Variants in PLPP4 observed in about 807,000 individuals in gnomAD.
PLPP4 encodes phospholipid phosphatase 4, also known as diacylglycerol pyrophosphate like 2.
A neutral mutation model predicts 32.2 loss-of-function variants in PLPP4; 20 were observed. The ratio of observed to expected loss-of-function variants is 0.62; its 90% CI spans 0.44 to 0.90. PLPP4 has a LOEUF of 0.90. Ranked by LOEUF, PLPP4 falls within the 40% of genes least tolerant of loss-of-function variation. The pLI, the probability that PLPP4 is intolerant of heterozygous loss-of-function variation, is 0.00. For missense variants in PLPP4, 257 were observed against 353.1 expected (o/e 0.73, Z 2.18); for synonymous variants, 127 against 133.0 (o/e 0.95, Z 0.31).
rs375659547 is a variant in PLPP4 at position 120,545,646 on chromosome 10, G to A, written c.445+24551G>A. ...GAAGTGGGGTCCTGAATGTTGTCTCGTCTCACTCTGCCCTGGAAGTGGCAA... is the reference window on the plus strand; with the variant it reads ...GAAGTGGGGTCCTGAATGTTGTCTCATCTCACTCTGCCCTGGAAGTGGCAA... On this transcript the variant is annotated intron_variant, in intron 5 of 6. Coordinates refer to ENST00000398250, the MANE Select transcript of PLPP4 (RefSeq NM_001030059.3). 4.7e-4 allele frequency among the ~76,000 whole-genome samples: 71 copies of A among 152,242 alleles called. 1 individual carries two copies. Among genetic ancestry groups the A allele is most frequent in the South Asian group, 4.1e-3 (20 of 4,820 alleles).
Position 120,554,273 on chromosome 10 carries a change from T to C in PLPP4, c.446-20858T>C, listed in dbSNP as rs565222130. ...GAGCAGGGGCACAAGTCTGCCAGTCTCTTTGCTAAAGCTTAGCAAGAGGAC... is the reference window on the plus strand; with the variant it reads ...GAGCAGGGGCACAAGTCTGCCAGTCCCTTTGCTAAAGCTTAGCAAGAGGAC... On this transcript the variant is annotated intron_variant, in intron 5 of 6. Coordinates refer to ENST00000398250, the MANE Select transcript of PLPP4 (RefSeq NM_001030059.3). 3.3e-5 allele frequency among the ~76,000 whole-genome samples: 5 copies of C among 152,336 alleles called. No homozygotes were observed. In the East Asian group the frequency reaches 7.7e-4, roughly 24 times the overall value.
chr10:120,536,945 A>C (rs1395209649), intron 5 of PLPP4, among the ~76,000 whole-genome samples: 1 of 152,186 alleles, frequency 6.6e-6, no homozygotes, highest in Non-Finnish European at 1.5e-5. Context: ...AGATATATTA[A>C]CAGCACTAAT....
At chr10:120,572,481 A>ATTTG (rs765901379) in intron 5 of PLPP4, among the ~76,000 whole-genome samples, 2 of 152,142 alleles carry the variant, frequency 1.3e-5, no homozygotes, top group Admixed American at 6.5e-5. Context: ...ATGTTCATTG[A>ATTTG]TTTGTTTGTT....
At chr10:120,548,615 A>G (rs1052514062) in intron 5 of PLPP4, among the ~76,000 whole-genome samples, 1 of 152,198 alleles carries the variant, frequency 6.6e-6, no homozygotes, top group African/African-American at 2.4e-5. Context: ...TGCTGGGTCA[A>G]ATAGTAATTC....
At chr10:120,540,136 C>A (rs1041959080) in intron 5 of PLPP4, among the ~76,000 whole-genome samples, 19 of 151,774 alleles carry the variant, frequency 1.3e-4, no homozygotes. Context: ...AAACTATTTT[C>A]TTCCAAAAAA....
intron 5 of PLPP4, among the ~76,000 whole-genome samples, chr10:120,567,819 C>T (rs944590579): frequency 2.0e-5 from 3 of 152,272 alleles, no homozygotes; most frequent in Admixed American, 1.3e-4. Flanking sequence ...CTCATATAAA[C>T]ATAAAATATA....
At chr10:120,466,288 G>A (rs929512010) in intron 1 of PLPP4, among the ~76,000 whole-genome samples, 2 of 151,794 alleles carry the variant, frequency 1.3e-5, no homozygotes, top group South Asian at 4.2e-4. Context: ...GCACCCCTAC[G>A]TATATATGTA....
chr10:120,489,551 G>A (rs1844614974), intron 1 of PLPP4, among the ~76,000 whole-genome samples: 2 of 152,228 alleles, frequency 1.3e-5, no homozygotes, highest in South Asian at 2.1e-4. Context: ...TGGCGGTCTG[G>A]ATGGGGAAGA....
At chr10:120,526,744 G>T (rs1466892396) in intron 5 of PLPP4, among the ~76,000 whole-genome samples, 1 of 152,180 alleles carries the variant, frequency 6.6e-6, no homozygotes, top group East Asian at 1.9e-4. Context: ...AGGAGGGGTG[G>T]AAACCTGGAG....
Position 120,590,596 on chromosome 10 carries a change from A to G in PLPP4, c.*1094A>G, listed in dbSNP as rs1194650048. Among the ~76,000 whole-genome samples the G allele has an allele frequency of 6.6e-6, 1 of 152,170 alleles. No homozygotes were observed. The highest frequency in any genetic ancestry group is 2.4e-5 in the African/African-American group (1 of 41,442). On this transcript the variant is annotated 3_prime_UTR_variant, in exon 7 of 7. Transcript: ENST00000398250. Reference sequence around the variant, plus strand: ...TTGCATTGTTGAATACAGCCAGTCAATATGAACCTTTTTCAGTCTGAGTAT... The same window carrying G: ...TTGCATTGTTGAATACAGCCAGTCAGTATGAACCTTTTTCAGTCTGAGTAT...
chr10:120,565,745 C>T (rs973937342), intron 5 of PLPP4, among the ~76,000 whole-genome samples: 29 of 152,214 alleles, frequency 1.9e-4, no homozygotes, highest in Non-Finnish European at 3.5e-4. Flanking sequence ...CCATTATCTA[C>T]TTGAATATTT....
intron 1 of PLPP4, among the ~76,000 whole-genome samples, chr10:120,459,131 A>G (rs1245434323): frequency 6.6e-6 from 1 of 152,206 alleles, no homozygotes. Context: ...CTTGGTAATT[A>G]TTGCTTATGC....
intron 1 of PLPP4, among the ~76,000 whole-genome samples, chr10:120,493,580 A>G (rs1034924296): frequency 6.6e-6 from 1 of 152,158 alleles, no homozygotes; most frequent in Non-Finnish European, 1.5e-5. Context: ...GCTGCCTTCC[A>G]TGCCCTGGGA....
intron 1 of PLPP4, among the ~76,000 whole-genome samples, chr10:120,499,266 T>C (rs1462443288): frequency 6.6e-6 from 1 of 152,220 alleles, no homozygotes. Flanking sequence ...TTCAGGTTGC[T>C]GTGCCTTTTC....
At chr10:120,494,972 T>G (rs932598527) in intron 1 of PLPP4, among the ~76,000 whole-genome samples, 3 of 152,168 alleles carry the variant, frequency 2.0e-5, no homozygotes, top group Non-Finnish European at 2.9e-5. Flanking sequence ...CAGATGCCAT[T>G]GAGCTGGTGG....
At chr10:120,535,162 A>G (rs941904430) in intron 5 of PLPP4, among the ~76,000 whole-genome samples, 1 of 152,192 alleles carries the variant, frequency 6.6e-6, no homozygotes, top group African/African-American at 2.4e-5. Context: ...TCCCCACAAT[A>G]TGAGACCTGT....
chr10:120,457,370 T>C lies in PLPP4; in HGVS notation c.56+9T>C. The C allele has an allele frequency of 1.3e-6, 2 of 1,529,614 alleles. No individual in the cohort carries two copies. The highest frequency in any genetic ancestry group is 2.6e-5 in the East Asian group (1 of 38,460). The allele number at this position is 1,529,614 out of a possible 1,614,324, so 94.8% of individuals were successfully genotyped here. A position where few individuals can be genotyped will look rare whatever the true frequency, so the allele number is the denominator to read the frequency against. On this transcript the variant is annotated intron_variant, in intron 1 of 6. Coordinates refer to ENST00000398250, the MANE Select transcript of PLPP4 (RefSeq NM_001030059.3). ...CTCTTCGGAGTCTTCGTGTAAGTAG[T>C]GGCGCACCGCGGGCAGGGCGCACTG...
In PLPP4 at chr10:120,590,393, T is replaced by G. The variant is rs1849958176; in HGVS notation, c.*891T>G. Reference sequence around the variant, plus strand: ...GTGGCCATTGGGGATAAGAAGCAACTTCAGGCTGAGAATTTTTCCCCTTTA... The same window carrying G: ...GTGGCCATTGGGGATAAGAAGCAACGTCAGGCTGAGAATTTTTCCCCTTTA... On this transcript the variant is annotated 3_prime_UTR_variant, in exon 7 of 7. Coordinates refer to ENST00000398250, the MANE Select transcript of PLPP4 (RefSeq NM_001030059.3). Among the ~76,000 whole-genome samples, 1 of 152,186 alleles carries G rather than the reference T, an allele frequency of 6.6e-6. No homozygotes were observed. Among genetic ancestry groups the G allele is most frequent in the African/African-American group, 2.4e-5 (1 of 41,440 alleles).
Position 120,590,767 on chromosome 10 carries a change from CTT to C in PLPP4, c.*1282_*1283del, listed in dbSNP as rs11420059. Among the ~76,000 whole-genome samples, 9 of 126,164 alleles carry C rather than the reference CTT, an allele frequency of 7.1e-5. No homozygotes were observed. Among genetic ancestry groups the C allele is most frequent in the East Asian group, 2.5e-4 (1 of 4,072 alleles). The allele number at this position is 126,164 out of a possible 152,430, so 82.8% of individuals were successfully genotyped here. A position where few individuals can be genotyped will look rare whatever the true frequency, so the allele number is the denominator to read the frequency against. On this transcript the variant is annotated 3_prime_UTR_variant, in exon 7 of 7. Transcript: ENST00000398250. Reference sequence around the variant, plus strand: ...TGCATCTTTGCTATCCAGAGTGTCACTTTTTTTTTTTTTTTTTTGAGATGGAG... The same window carrying C: ...TGCATCTTTGCTATCCAGAGTGTCACTTTTTTTTTTTTTTTTGAGATGGAG...
Sources: gnomAD v4.1 joint callset for allele counts (sites outside exome capture counted in the v4.1 genomes callset) on GRCh38, gnomAD v4.1.1 for gene constraint, MANE v1.5 for transcripts, NCBI Gene and HGNC (gene_info 2026-07-23, HGNC 2026-07-21) for gene names.